Variants in ROBO2 observed in about 807,000 individuals in gnomAD.
ROBO2 encodes the protein roundabout guidance receptor 2.
ROBO2 carries 53 observed loss-of-function variants against 160.8 expected under a neutral mutation model. The ratio of observed to expected loss-of-function variants is 0.33; its 90% CI spans 0.26 to 0.41. The LOEUF (loss-of-function observed/expected upper bound fraction) is 0.41, where lower values mean the gene tolerates loss of function less well. ROBO2 is among the 10% of genes least tolerant of loss of function. ROBO2 has a pLI of 1.00. For missense variants in ROBO2, 1,577 were observed against 1,722.4 expected (o/e 0.92, Z 1.49); for synonymous variants, 664 against 611.7 (o/e 1.09, Z -1.26).
At chr3:76,943,558 G>A (rs62251100) in intron 2 of ROBO2, among the ~76,000 whole-genome samples, 33,812 of 152,094 alleles carry the variant, frequency 0.22, 3,921 homozygotes, top group South Asian at 0.33. Flanking sequence ...TGTAAATGAA[G>A]TTAATTACCA....
At chr3:76,721,414 T>C (rs759819703) in intron 2 of ROBO2, among the ~76,000 whole-genome samples, 1 of 152,212 alleles carries the variant, frequency 6.6e-6, no homozygotes, top group Non-Finnish European at 1.5e-5. Context: ...CTTCATAATA[T>C]AATAGACGGA....
At chr3:76,971,250 G>A (rs2149282217) in intron 2 of ROBO2, among the ~76,000 whole-genome samples, 1 of 152,064 alleles carries the variant, frequency 6.6e-6, no homozygotes, top group East Asian at 1.9e-4. Flanking sequence ...GGATATCCCT[G>A]CCTCTGACAC....
At chr3:77,193,690 A>C (rs2082080962) in intron 2 of ROBO2, among the ~76,000 whole-genome samples, 1 of 152,144 alleles carries the variant, frequency 6.6e-6, no homozygotes, top group Non-Finnish European at 1.5e-5. Context: ...ACAGGGAAAT[A>C]AAATTATATC....
chr3:76,117,430 G>T (rs1427093457), intron 2 of ROBO2, among the ~76,000 whole-genome samples: 1 of 152,060 alleles, frequency 6.6e-6, no homozygotes, highest in East Asian at 1.9e-4. Context: ...TTAACAGATT[G>T]TTTATAGTTA....
At chr3:76,141,611 T>C (rs897070938) in intron 2 of ROBO2, among the ~76,000 whole-genome samples, 9 of 151,866 alleles carry the variant, frequency 5.9e-5, no homozygotes, top group African/African-American at 2.2e-4. Context: ...GAATTTAAGA[T>C]AATTATTTAG....
chr3:77,224,590 A>G (rs907534401), intron 2 of ROBO2, among the ~76,000 whole-genome samples: 14 of 151,972 alleles, frequency 9.2e-5, no homozygotes, highest in African/African-American at 3.4e-4. Context: ...TTAAATCCAT[A>G]TTAATCCTAG....
At chr3:77,237,491 G>C (rs1452477539) in intron 2 of ROBO2, among the ~76,000 whole-genome samples, 1 of 146,508 alleles carries the variant, frequency 6.8e-6, no homozygotes, top group Non-Finnish European at 1.5e-5. Context: ...TCTTGAACTC[G>C]TGATCTCCAA....
chr3:76,617,239 C>T (rs2088659825), intron 2 of ROBO2, among the ~76,000 whole-genome samples: 1 of 151,308 alleles, frequency 6.6e-6, no homozygotes, highest in Admixed American at 6.6e-5. Flanking sequence ...TTTAAATGTG[C>T]AGGGTTTGAC....
chr3:76,306,580 C>G (rs1333213311), intron 2 of ROBO2, among the ~76,000 whole-genome samples: 6 of 152,040 alleles, frequency 3.9e-5, no homozygotes, highest in Non-Finnish European at 8.8e-5. Context: ...GCTAGCAGGA[C>G]AGACAAAATC....
At chr3:77,429,877 T>A (rs2153540646) in intron 2 of ROBO2, among the ~76,000 whole-genome samples, 1 of 152,146 alleles carries the variant, frequency 6.6e-6, no homozygotes, top group South Asian at 2.1e-4. Flanking sequence ...GCTGCGGTGC[T>A]CACTAATGAC....
intron 2 of ROBO2, among the ~76,000 whole-genome samples, chr3:77,153,719 C>A (rs1468964501): frequency 6.6e-6 from 1 of 152,044 alleles, no homozygotes. Context: ...AAGGTCAGAG[C>A]CACATTTTCA....
intron 2 of ROBO2, among the ~76,000 whole-genome samples, chr3:76,596,066 G>A (rs2086715025): frequency 1.3e-5 from 2 of 151,938 alleles, no homozygotes; most frequent in African/African-American, 4.8e-5. Flanking sequence ...AAGGTTTGGG[G>A]AATAAAAGTA....
At position 75,945,781 on chromosome 3, in the gene ROBO2, T is replaced by A. The variant is rs1380471311; in HGVS notation, c.109+8179T>A. Among the ~76,000 whole-genome samples the A allele has an allele frequency of 2.0e-5, 3 of 152,162 alleles. No individual in the cohort carries two copies. In the East Asian group the frequency reaches 5.8e-4, roughly 29 times the overall value. The stretch of plus-strand genomic sequence containing the variant: ...ACTTATTATTCATCAGATTTAGGTA[T>A]TTAACTGAAGATGCTAATTAGAAAA... On this transcript the variant is annotated intron_variant, in intron 2 of 26. Coordinates refer to the ROBO2 transcript ENST00000487694.
At chr3:76,681,474 A>G (rs2092560265) in intron 2 of ROBO2, among the ~76,000 whole-genome samples, 1 of 151,914 alleles carries the variant, frequency 6.6e-6, no homozygotes, top group Non-Finnish European at 1.5e-5. Flanking sequence ...GAAGTTTCCA[A>G]ACTCACCCAA....
At chr3:76,820,019 A>G (rs2109111451) in intron 2 of ROBO2, among the ~76,000 whole-genome samples, 1 of 152,240 alleles carries the variant, frequency 6.6e-6, no homozygotes, top group Admixed American at 6.6e-5. Context: ...CTCAAACAAA[A>G]TGCTCCACCA....
At chr3:76,299,444 A>G (rs1279225967) in intron 2 of ROBO2, among the ~76,000 whole-genome samples, 1 of 152,192 alleles carries the variant, frequency 6.6e-6, no homozygotes, top group Non-Finnish European at 1.5e-5. Flanking sequence ...GGAAGCCAGT[A>G]TGGCTGGCAC....
chr3:76,362,868 G>A (rs1277779254), intron 2 of ROBO2, among the ~76,000 whole-genome samples: 6 of 152,004 alleles, frequency 3.9e-5, no homozygotes, highest in East Asian at 1.9e-4. Flanking sequence ...TTCTGAGGTC[G>A]TTCAACAGAA....
In ROBO2 at chr3:77,502,834, A is replaced by G. The variant is rs530071608; in HGVS notation, c.806+9452A>G. On this transcript the variant is annotated intron_variant, in intron 5 of 25. Coordinates refer to ENST00000461745, the Ensembl canonical transcript of ROBO2. ...TTATATAAAGGATTTGGACGTCCTC[A>G]GCTTTTGGTATTTTCAGGGTTGTGG... Among the ~76,000 whole-genome samples the G allele has an allele frequency of 2.0e-5, 3 of 152,288 alleles. 1 individual carries two copies. Among genetic ancestry groups the G allele is most frequent in the Admixed American group, 2.0e-4 (3 of 15,304 alleles).
intron 2 of ROBO2, among the ~76,000 whole-genome samples, chr3:76,208,438 C>G (rs929095735): frequency 6.6e-6 from 1 of 152,060 alleles, no homozygotes; most frequent in Non-Finnish European, 1.5e-5. Context: ...CTCAAAAGTA[C>G]TCTAAATTCT....
Sources: gnomAD v4.1 joint callset for allele counts (sites outside exome capture counted in the v4.1 genomes callset) on GRCh38, gnomAD v4.1.1 for gene constraint, MANE v1.5 for transcripts, NCBI Gene and HGNC (gene_info 2026-07-23, HGNC 2026-07-21) for gene names.